SLC13A3: variants seen among roughly 807,000 people sequenced by gnomAD.
SLC13A3 encodes the protein solute carrier family 13 member 3.
SLC13A3 carries 40 observed loss-of-function variants against 59.0 expected under a neutral mutation model. The ratio of observed to expected loss-of-function variants is 0.68; its 90% CI spans 0.53 to 0.88. SLC13A3 has a LOEUF of 0.88. Among genes scored for constraint, SLC13A3 ranks in the 40% least tolerant of loss-of-function variants. The pLI is 0.00. For synonymous variants in SLC13A3, 317 were observed against 330.3 expected, an observed-to-expected ratio of 0.96 and a Z score of 0.44; for missense variants, 699 against 783.2, an observed-to-expected ratio of 0.89 and a Z score of 1.28.
intron 1 of SLC13A3, among the ~76,000 whole-genome samples, chr20:46,618,913 G>A (rs1445365334): frequency 1.3e-5 from 2 of 152,176 alleles, no homozygotes; most frequent in Admixed American, 6.5e-5. Flanking sequence ...GTAGCTCCTA[G>A]CCACGAACTT....
chr20:46,612,798 A>G (rs1040398554), intron 2 of SLC13A3, among the ~76,000 whole-genome samples: 1 of 152,186 alleles, frequency 6.6e-6, no homozygotes, highest in Non-Finnish European at 1.5e-5. Flanking sequence ...CTCTAAGAAT[A>G]AAAGTCCAAA....
At chr20:46,587,138 G>A (rs749346797) in intron 8 of SLC13A3, among the ~76,000 whole-genome samples, 13 of 152,052 alleles carry the variant, frequency 8.5e-5, no homozygotes, top group African/African-American at 1.4e-4. Context: ...TATTCTCCTC[G>A]TCTATATTTT....
At chr20:46,586,074 A>G (rs1288210417) in intron 8 of SLC13A3, among the ~76,000 whole-genome samples, 2 of 152,256 alleles carry the variant, frequency 1.3e-5, no homozygotes. Context: ...ATATCTCACT[A>G]ATAATTTATA....
At chr20:46,613,362 TG>T in intron 2 of SLC13A3, 97 bp downstream of exon 2, 2 of 1,056,644 alleles carry the variant, frequency 1.9e-6, no homozygotes, top group Non-Finnish European at 2.5e-6. Flanking sequence ...ATGAGTTTCT[TG>T]GCCTGGACGA....
At chr20:46,633,259 C>T (rs888135846) in intron 1 of SLC13A3, among the ~76,000 whole-genome samples, 1 of 152,066 alleles carries the variant, frequency 6.6e-6, no homozygotes, top group African/African-American at 2.4e-5. Context: ...CAAGAGAAAC[C>T]CTTTCTGCCA....
intron 12 of SLC13A3, among the ~76,000 whole-genome samples, chr20:46,562,520 C>T (rs1219996384): frequency 2.0e-5 from 3 of 152,116 alleles, no homozygotes; most frequent in African/African-American, 7.2e-5. Flanking sequence ...CTTACACTTC[C>T]TCATGTTTTA....
At chr20:46,680,450 C>T (rs906326458) in intron 1 of SLC13A3, among the ~76,000 whole-genome samples, 2 of 152,184 alleles carry the variant, frequency 1.3e-5, no homozygotes, top group African/African-American at 2.4e-5. Context: ...CATGGATGTG[C>T]GACCCAGATC....
chr20:46,628,377 A>T (rs1318027585), intron 1 of SLC13A3, among the ~76,000 whole-genome samples: 1 of 152,182 alleles, frequency 6.6e-6, no homozygotes, highest in Non-Finnish European at 1.5e-5. Flanking sequence ...AGCTTCGGGT[A>T]AAACATTGCT....
At chr20:46,641,225 C>A (rs1485399136) in intron 1 of SLC13A3, among the ~76,000 whole-genome samples, 3 of 152,162 alleles carry the variant, frequency 2.0e-5, no homozygotes, top group Non-Finnish European at 4.4e-5. Flanking sequence ...GGGTTTTAGA[C>A]CCCGTACAGG....
intron 6 of SLC13A3, among the ~76,000 whole-genome samples, chr20:46,592,197 G>A (rs1392051475): frequency 9.9e-5 from 15 of 152,124 alleles, no homozygotes; most frequent in Admixed American, 9.8e-4. Context: ...GGGCAGCAGA[G>A]CAAGACCCTG....
chr20:46,572,792 C>T (rs1350349268), intron 10 of SLC13A3, among the ~76,000 whole-genome samples: 1 of 152,148 alleles, frequency 6.6e-6, no homozygotes, highest in Non-Finnish European at 1.5e-5. Context: ...GAAACTGAGG[C>T]CCAGAGAGGT....
At chr20:46,642,820 T>C (rs959066552) in intron 1 of SLC13A3, among the ~76,000 whole-genome samples, 1 of 152,114 alleles carries the variant, frequency 6.6e-6, no homozygotes, top group African/African-American at 2.4e-5. Flanking sequence ...GTCAGCAACT[T>C]TCTGCAGGAG....
At chr20:46,655,818 CTATA>C (rs1291985446), upstream of SLC13A3, among the ~76,000 whole-genome samples, 2 of 137,844 alleles carry the variant, frequency 1.5e-5, no homozygotes, top group African/African-American at 5.5e-5. Flanking sequence ...ACTGTATATA[CTATA>C]TATACTATAC....
At chr20:46,594,264 TAAAC>T (rs767223761) in intron 5 of SLC13A3, among the ~76,000 whole-genome samples, 12 of 150,114 alleles carry the variant, frequency 8.0e-5, no homozygotes, top group Admixed American at 4.0e-4. Context: ...ATTACATACT[TAAAC>T]ATACATAAGA....
chr20:46,631,847 T>C lies in SLC13A3; in HGVS notation c.112-18122A>G, dbSNP rs907533115. 3.9e-5 allele frequency among the ~76,000 whole-genome samples: 6 copies of C among 152,246 alleles called. No homozygotes were observed. The South Asian group carries it at 1.2e-3, about 32-fold the overall frequency. ...TTAATTTTTGAGCTGGGGAATGATT[T>C]CCAGGCATACACAAGGCAACTTTTT... is the stretch of plus-strand genomic sequence containing the variant. On this transcript the variant is annotated intron_variant, in intron 1 of 12. Coordinates refer to ENST00000279027, the MANE Select transcript of SLC13A3 (RefSeq NM_022829.6).
At chr20:46,627,739 A>C (rs1600581987) in intron 1 of SLC13A3, among the ~76,000 whole-genome samples, 1 of 152,114 alleles carries the variant, frequency 6.6e-6, no homozygotes, top group Non-Finnish European at 1.5e-5. Flanking sequence ...TTAATGAAAA[A>C]CCGACATATT....
intron 3 of SLC13A3, among the ~76,000 whole-genome samples, chr20:46,609,364 A>G (rs2062469090): frequency 6.6e-6 from 1 of 152,166 alleles, no homozygotes. Context: ...ATGGCTGTGT[A>G]TGTTTTGTTT....
At position 46,575,611 on chromosome 20, in the gene SLC13A3, G is replaced by A. The variant is rs765331160; in HGVS notation, c.1294C>T (p.Leu432Phe). The A allele has an allele frequency of 6.2e-7, 1 of 1,607,788 alleles. No homozygotes were observed. Among genetic ancestry groups the A allele is most frequent in the Non-Finnish European group, 8.5e-7 (1 of 1,176,948 alleles). The stretch of plus-strand genomic sequence containing the variant: ...GCCATGGCGAAGCCCCCTCCCAGGA[G>A]AAGGATGATGTTCCAGGGCACTGTC... ...QETVPWNIIL[L>F]LGGGFAMAKG... is the part of the protein sequence containing the mutation. The change falls in exon 10 of 13, where the codon CTC becomes TTC. Residue 432 changes from leucine to phenylalanine, a missense_variant. Physicochemically the swap from Leu to Phe is conservative, Grantham distance 22 (BLOSUM62 0). Coordinates refer to ENST00000279027, the MANE Select transcript of SLC13A3 (RefSeq NM_022829.6).
intron 1 of SLC13A3, among the ~76,000 whole-genome samples, chr20:46,648,904 C>G (rs1432967865): frequency 7.2e-6 from 1 of 138,170 alleles, no homozygotes; most frequent in African/African-American, 3.3e-5. Flanking sequence ...GACCCTATCT[C>G]TCTCTCTCTC....
Sources: gnomAD v4.1 joint callset for allele counts (sites outside exome capture counted in the v4.1 genomes callset) on GRCh38, gnomAD v4.1.1 for gene constraint, MANE v1.5 for transcripts, NCBI Gene and HGNC (gene_info 2026-07-23, HGNC 2026-07-21) for gene names.